Variants in ATG7 observed in about 807,000 individuals in gnomAD.
The protein encoded by ATG7 is ubiquitin-like modifier-activating enzyme ATG7.
In ATG7, 70 loss-of-function variants were observed where a neutral mutation model predicts 82.4. That is an observed-to-expected ratio of 0.85 (90% CI 0.70 to 1.04). The LOEUF is 1.04. ATG7 is among the 50% of genes least tolerant of loss of function. The probability of loss-of-function intolerance (pLI) is 0.00; values close to 1 mark genes in which losing one functional copy is unlikely to be tolerated. For synonymous variants in ATG7, 287 were observed against 313.0 expected (o/e 0.92, Z 0.88); for missense variants, 792 against 864.3 (o/e 0.92, Z 1.05).
intron 20 of ATG7, among the ~76,000 whole-genome samples, chr3:11,502,022 A>G (rs1177852147): frequency 1.8e-5 from 1 of 55,868 alleles, no homozygotes; most frequent in Non-Finnish European, 3.4e-5. Context: ...ATGGTAGTAA[A>G]CATATATACA....
At chr3:11,417,488 T>G (rs574504498) in intron 19 of ATG7, among the ~76,000 whole-genome samples, 22 of 152,338 alleles carry the variant, frequency 1.4e-4, no homozygotes, top group African/African-American at 5.0e-4. Flanking sequence ...ATTCAGATAC[T>G]TCTACTTACT....
At chr3:11,466,484 C>T (rs1448310371) in intron 20 of ATG7, among the ~76,000 whole-genome samples, 2 of 152,176 alleles carry the variant, frequency 1.3e-5, no homozygotes, top group Non-Finnish European at 2.9e-5. Context: ...TGCCTTGTCT[C>T]CCAGTGGGAG....
At chr3:11,315,997 G>A (rs755507272) in intron 9 of ATG7, among the ~76,000 whole-genome samples, 2 of 152,168 alleles carry the variant, frequency 1.3e-5, no homozygotes, top group Non-Finnish European at 2.9e-5. Flanking sequence ...GGGATTATAG[G>A]TGTGAGCCAC....
intron 7 of ATG7, among the ~76,000 whole-genome samples, chr3:11,312,920 G>C (rs1038313722): frequency 6.6e-6 from 1 of 151,990 alleles, no homozygotes; most frequent in African/African-American, 2.4e-5. Context: ...TTGTTGTTTA[G>C]GTTTTTTACC....
chr3:11,444,032 A>G (rs1170089650), intron 20 of ATG7, among the ~76,000 whole-genome samples: 1 of 152,188 alleles, frequency 6.6e-6, no homozygotes, highest in Admixed American at 6.5e-5. Flanking sequence ...CTTAAACAAT[A>G]TAATTCTATT....
intron 19 of ATG7, among the ~76,000 whole-genome samples, chr3:11,417,865 G>A (rs2081536008): frequency 6.8e-6 from 1 of 146,540 alleles, no homozygotes; most frequent in Non-Finnish European, 1.5e-5. Context: ...AGGCTGGAGT[G>A]CAGTGGTGCA....
At chr3:11,547,090 C>T (rs1457797446) in intron 20 of ATG7, among the ~76,000 whole-genome samples, 2 of 152,136 alleles carry the variant, frequency 1.3e-5, no homozygotes, top group African/African-American at 2.4e-5. Flanking sequence ...GCGTGACAGG[C>T]GGTGAATGGA....
intron 3 of ATG7, among the ~76,000 whole-genome samples, chr3:11,285,250 G>C (rs1228320859): frequency 1.4e-5 from 2 of 147,574 alleles, no homozygotes; most frequent in African/African-American, 2.5e-5. Context: ...CACAATCACG[G>C]CTCACTGCAG....
intron 20 of ATG7, among the ~76,000 whole-genome samples, chr3:11,466,106 G>A (rs2086800851): frequency 6.6e-6 from 1 of 152,178 alleles, no homozygotes; most frequent in African/African-American, 2.4e-5. Flanking sequence ...GTGGAAAATG[G>A]AATAATCCCC....
At chr3:11,441,881 G>A (rs962578245) in intron 20 of ATG7, among the ~76,000 whole-genome samples, 1 of 151,452 alleles carries the variant, frequency 6.6e-6, no homozygotes, top group Middle Eastern at 3.2e-3. Context: ...GGCCAAGCTG[G>A]TCTTGAACTC....
At chr3:11,328,903 A>T (rs1052196209) in intron 9 of ATG7, among the ~76,000 whole-genome samples, 5 of 152,232 alleles carry the variant, frequency 3.3e-5, no homozygotes, top group Non-Finnish European at 7.3e-5. Flanking sequence ...CCTGGCCAAC[A>T]TGGCGTAACC....
chr3:11,434,722 A>G (rs1472666877), intron 20 of ATG7, among the ~76,000 whole-genome samples: 1 of 152,226 alleles, frequency 6.6e-6, no homozygotes, highest in African/African-American at 2.4e-5. Flanking sequence ...AAAATAGACA[A>G]TGAAGTCTGG....
At chr3:11,420,753 C>CT (rs869277638) in intron 19 of ATG7, among the ~76,000 whole-genome samples, 3,107 of 126,022 alleles carry the variant, frequency 0.025, 172 homozygotes, top group East Asian at 0.2. Context: ...ATACAAAATA[C>CT]TTTTTTTTTT....
At chr3:11,505,552 A>G (rs576358095) in intron 20 of ATG7, among the ~76,000 whole-genome samples, 3 of 152,306 alleles carry the variant, frequency 2.0e-5, no homozygotes, top group African/African-American at 4.8e-5. Context: ...TGGCAGTAAA[A>G]TTTGCTGAAA....
intron 1 of ATG7, among the ~76,000 whole-genome samples, chr3:11,273,341 C>T (rs1034687763): frequency 6.6e-6 from 1 of 152,226 alleles, no homozygotes; most frequent in Non-Finnish European, 1.5e-5. Context: ...CTTTCTACTT[C>T]TGGTTGCTCC....
chr3:11,349,756 T>C (rs937010369), intron 14 of ATG7, among the ~76,000 whole-genome samples: 2 of 152,202 alleles, frequency 1.3e-5, no homozygotes, highest in Non-Finnish European at 2.9e-5. Context: ...TACTTGGTGG[T>C]TACTTAGTAC....
chr3:11,511,273 T>G (rs2092038225), intron 20 of ATG7, among the ~76,000 whole-genome samples: 1 of 152,142 alleles, frequency 6.6e-6, no homozygotes, highest in Admixed American at 6.5e-5. Flanking sequence ...TGGCCTGTTT[T>G]GTCAGGGCGC....
intron 20 of ATG7, among the ~76,000 whole-genome samples, chr3:11,547,406 GGATT>G (rs1361757117): frequency 6.6e-6 from 1 of 152,136 alleles, no homozygotes. Flanking sequence ...GGTGGAAACT[GGATT>G]GTTTCCACTC....
intron 20 of ATG7, among the ~76,000 whole-genome samples, chr3:11,515,367 G>T (rs544877690): frequency 9.2e-5 from 14 of 151,944 alleles, no homozygotes; most frequent in African/African-American, 3.1e-4. Context: ...GCAGTGGCAC[G>T]ATCTTGGCTC....
Sources: allele counts gnomAD v4.1 joint callset (sites outside exome capture counted in the v4.1 genomes callset), GRCh38; gene constraint gnomAD v4.1.1; transcripts MANE v1.5; gene names NCBI Gene and HGNC (gene_info 2026-07-23, HGNC 2026-07-21).